Variants in FIG4 observed in about 807,000 individuals in gnomAD.
FIG4 encodes the protein FIG4 phosphoinositide 5-phosphatase, also known as polyphosphoinositide phosphatase.
In FIG4, 112 loss-of-function variants were observed where a neutral mutation model predicts 118.6. The ratio of observed to expected loss-of-function variants is 0.94; its 90% CI spans 0.81 to 1.11. The LOEUF (loss-of-function observed/expected upper bound fraction) is 1.11. Among genes scored for constraint, FIG4 ranks in the 50% least tolerant of loss-of-function variants. The probability of loss-of-function intolerance (pLI) is 0.00; values close to 1 mark genes in which losing one functional copy is unlikely to be tolerated. For missense variants in FIG4, 969 were observed against 1,111.7 expected, an observed-to-expected ratio of 0.87 and a Z score of 1.83; for synonymous variants, 369 against 381.2, an observed-to-expected ratio of 0.97 and a Z score of 0.37.
intron 4 of FIG4, among the ~76,000 whole-genome samples, chr6:109,731,233 T>C (rs757787412): frequency 6.6e-6 from 1 of 152,220 alleles, no homozygotes; most frequent in African/African-American, 2.4e-5. Context: ...AGTTATACAC[T>C]ATGAGTTGGA....
chr6:109,729,510 G>A (rs1207717212), intron 4 of FIG4, among the ~76,000 whole-genome samples: 3 of 152,106 alleles, frequency 2.0e-5, no homozygotes, highest in Non-Finnish European at 4.4e-5. Flanking sequence ...AAGGCATAAA[G>A]CTTGAAAAGA....
At chr6:109,724,349 T>C (rs1476472244) in intron 3 of FIG4, among the ~76,000 whole-genome samples, 1 of 152,232 alleles carries the variant, frequency 6.6e-6, no homozygotes, top group African/African-American at 2.4e-5. Flanking sequence ...CTTAGATTTT[T>C]ATCTTCAGAT....
At chr6:109,743,389 T>C in intron 9 of FIG4, 117 bp downstream of exon 9, 1 of 941,262 alleles carries the variant, frequency 1.1e-6, no homozygotes, top group East Asian at 2.4e-5. Flanking sequence ...TCCTGGAAGG[T>C]AGATAATTTA....
At position 109,740,253 on chromosome 6, in the gene FIG4, A is replaced by T. The variant is rs139360371; in HGVS notation, c.776-1191A>T. Among the ~76,000 whole-genome samples the T allele has an allele frequency of 3.4e-3, 525 of 152,302 alleles. 4 individuals carry two copies. The highest frequency in any genetic ancestry group is 0.027 in the Middle Eastern group (8 of 294). The stretch of plus-strand genomic sequence containing the variant: ...TCGGGTCCTGGCACATATTAAACAT[A>T]GTAAATGTTTGTTTTTTAAAATAGT... On this transcript the variant is annotated intron_variant, in intron 7 of 22. Coordinates refer to ENST00000230124, the MANE Select transcript of FIG4 (RefSeq NM_014845.6).
At chr6:109,768,770 A>G (rs1777358385) in intron 15 of FIG4, among the ~76,000 whole-genome samples, 1 of 152,202 alleles carries the variant, frequency 6.6e-6, no homozygotes, top group Non-Finnish European at 1.5e-5. Flanking sequence ...GGAGCAAATC[A>G]TAGGTGCCCC....
chr6:109,814,142 C>A (rs1002149615), intron 22 of FIG4, among the ~76,000 whole-genome samples: 1 of 152,062 alleles, frequency 6.6e-6, no homozygotes, highest in African/African-American at 2.4e-5. Flanking sequence ...TGTGCCATTA[C>A]TGATGATGTT....
At chr6:109,719,451 A>G (rs1008429730) in intron 3 of FIG4, among the ~76,000 whole-genome samples, 1 of 151,696 alleles carries the variant, frequency 6.6e-6, no homozygotes, top group Non-Finnish European at 1.5e-5. Flanking sequence ...GTGGCCAGTC[A>G]TAGCTCGCTG....
At chr6:109,697,308 G>C (rs1774759213) in intron 1 of FIG4, among the ~76,000 whole-genome samples, 1 of 151,944 alleles carries the variant, frequency 6.6e-6, no homozygotes, top group African/African-American at 2.4e-5. Context: ...AGTAGATCAG[G>C]ATTTTGGGAG....
intron 18 of FIG4, among the ~76,000 whole-genome samples, chr6:109,788,994 TC>T (rs1288904264): frequency 6.6e-6 from 1 of 152,232 alleles, no homozygotes; most frequent in East Asian, 1.9e-4. Context: ...TTTAAAGTGT[TC>T]CGGCAGTGTT....
intron 9 of FIG4, 77 bp from the exon 10 acceptor site, chr6:109,743,596 TAA>T: frequency 8.8e-7 from 1 of 1,134,460 alleles, no homozygotes; most frequent in Non-Finnish European, 1.3e-6. Flanking sequence ...TGCATTTCTT[TAA>T]AAAAACAACC....
intron 15 of FIG4, among the ~76,000 whole-genome samples, chr6:109,771,051 G>T (rs1777443358): frequency 6.6e-6 from 1 of 152,212 alleles, no homozygotes; most frequent in African/African-American, 2.4e-5. Context: ...AGAATAGTGA[G>T]ATAGCCTTCT....
chr6:109,736,169 T>C lies in FIG4; in HGVS notation c.646+871T>C, dbSNP rs542735688. The stretch of plus-strand genomic sequence containing the variant: ...CTTTGGGCTCCTTGCTCTGTGCAAC[T>C]TAAATGATAGTGATGAACATGTGGG... On this transcript the variant is annotated intron_variant, in intron 6 of 22. Coordinates refer to ENST00000230124, the MANE Select transcript of FIG4 (RefSeq NM_014845.6). Among the ~76,000 whole-genome samples, 13 of 152,238 alleles carry C rather than the reference T, an allele frequency of 8.5e-5. No homozygotes were observed. In the South Asian group the frequency reaches 2.7e-3, roughly 32 times the overall value.
chr6:109,711,740 T>G (rs1775270528), intron 1 of FIG4, among the ~76,000 whole-genome samples: 1 of 152,214 alleles, frequency 6.6e-6, no homozygotes, highest in Admixed American at 6.5e-5. Flanking sequence ...GTGTGCCTTT[T>G]AAATGGGGTA....
At chr6:109,800,393 T>G (rs1454171303) in intron 22 of FIG4, among the ~76,000 whole-genome samples, 1 of 152,172 alleles carries the variant, frequency 6.6e-6, no homozygotes, top group Non-Finnish European at 1.5e-5. Context: ...GAACATACCT[T>G]TATTCTTTCC....
chr6:109,787,520 A>G (rs1479552874), intron 18 of FIG4, among the ~76,000 whole-genome samples: 1 of 152,210 alleles, frequency 6.6e-6, no homozygotes, highest in African/African-American at 2.4e-5. Context: ...GATAAATGAC[A>G]TTAGGTATAT....
intron 4 of FIG4, among the ~76,000 whole-genome samples, chr6:109,731,695 G>A (rs1225678000): frequency 2.0e-5 from 3 of 152,144 alleles, no homozygotes; most frequent in Admixed American, 2.0e-4. Flanking sequence ...GAGTGTACAG[G>A]AAGATGTGTA....
chr6:109,712,826 G>C (rs955586808), intron 1 of FIG4, among the ~76,000 whole-genome samples: 4 of 152,174 alleles, frequency 2.6e-5, no homozygotes, highest in Non-Finnish European at 4.4e-5. Context: ...TGAGTTGTCA[G>C]AGTTCTTGCA....
intron 22 of FIG4, 25 bp from the exon 23 acceptor site, chr6:109,825,063 C>A (rs753528465): frequency 6.2e-7 from 1 of 1,606,786 alleles, no homozygotes; most frequent in Admixed American, 1.7e-5. Flanking sequence ...TTTAATGCAG[C>A]CCTCTCTTTA....
chr6:109,732,339 G>T (rs555027648), intron 4 of FIG4, among the ~76,000 whole-genome samples: 1 of 152,272 alleles, frequency 6.6e-6, no homozygotes, highest in Non-Finnish European at 1.5e-5. Flanking sequence ...AGCAAAAACA[G>T]CATTTACTTC....
Sources: gnomAD v4.1 joint callset for allele counts (sites outside exome capture counted in the v4.1 genomes callset) on GRCh38, gnomAD v4.1.1 for gene constraint, MANE v1.5 for transcripts, NCBI Gene and HGNC (gene_info 2026-07-23, HGNC 2026-07-21) for gene names.